The following EDC3 variants were observed in gnomAD, a reference collection of about 807,000 sequenced individuals.
The protein encoded by EDC3 is enhancer of mRNA decapping 3, also known as enhancer of mRNA-decapping protein 3.
In EDC3, 20 loss-of-function variants were observed where a neutral mutation model predicts 41.8. The observed-to-expected ratio is 0.48, with a 90% CI of 0.34 to 0.70. EDC3 has a LOEUF of 0.70. EDC3 is among the 30% of genes least tolerant of loss of function. EDC3 has a pLI of 0.01. For synonymous variants in EDC3, 206 were observed against 243.2 expected, an observed-to-expected ratio of 0.85 and a Z score of 1.42; for missense variants, 444 against 636.8, an observed-to-expected ratio of 0.70 and a Z score of 3.26.
At position 74,655,996 on chromosome 15, in the gene EDC3, T is replaced by G; in HGVS notation, c.557A>C (p.Asn186Thr). 1 of 1,614,004 alleles carries G rather than the reference T, an allele frequency of 6.2e-7. No homozygotes were observed. The highest frequency in any genetic ancestry group is 8.5e-7 in the Non-Finnish European group (1 of 1,180,012). The change falls in exon 4 of 7, where the codon AAT (asparagine) becomes ACT (threonine). Residue 186 changes from asparagine (N) to threonine (T), a missense_variant. Physicochemically the swap from Asn to Thr is moderately conservative, Grantham distance 65 (BLOSUM62 0). This residue lies in a region of EDC3 where 200 missense variants were observed against 244.0 expected (regional missense o/e 0.82). Transcript: ENST00000315127. ...ATCCCCGAAGCACTCGTCATCTTTA[T>G]TCTTCATCTGGCCATTCTTTAAACC... is the stretch of plus-strand genomic sequence containing the variant. ...KSGLKNGQMK[N>T]KDDECFGDDI...
At chr15:74,674,345 G>A (rs72728886) in intron 2 of EDC3, among the ~76,000 whole-genome samples, 7,929 of 152,200 alleles carry the variant, frequency 0.052, 315 homozygotes, top group East Asian at 0.17. Context: ...CTAGCCTCAA[G>A]TGATACTGCT....
intron 4 of EDC3, 125 bp downstream of exon 4, chr15:74,655,608 C>T: frequency 2.1e-6 from 2 of 964,894 alleles, no homozygotes; most frequent in Non-Finnish European, 3.0e-6. Flanking sequence ...AATACCGGGC[C>T]AGCCACCAAG....
At chr15:74,650,702 T>C (rs1040751403) in intron 4 of EDC3, among the ~76,000 whole-genome samples, 2 of 152,190 alleles carry the variant, frequency 1.3e-5, no homozygotes, top group Non-Finnish European at 2.9e-5. Context: ...TCCTTTAGAA[T>C]ACCATGAGTG....
chr15:74,639,096 G>A (rs2062314784), intron 5 of EDC3: 2 of 152,268 alleles, frequency 1.3e-5, no homozygotes, highest in South Asian at 4.2e-4. Context: ...CCACTTTTCT[G>A]ATCCCTGCTT....
intron 3 of EDC3, among the ~76,000 whole-genome samples, chr15:74,665,102 C>A (rs1035701670): frequency 9.9e-5 from 15 of 152,236 alleles, no homozygotes; most frequent in African/African-American, 3.6e-4. Flanking sequence ...CGGCTCACTG[C>A]AGCCTCCACC....
chr15:74,646,008 A>G (rs2062412522), intron 4 of EDC3, among the ~76,000 whole-genome samples: 1 of 152,144 alleles, frequency 6.6e-6, no homozygotes. Flanking sequence ...CAGAGAAAAT[A>G]AAACGAGTAG....
intron 4 of EDC3, chr15:74,643,526 C>G (rs1567157013): frequency 1.3e-5 from 2 of 152,266 alleles, no homozygotes; most frequent in African/African-American, 2.4e-5. Flanking sequence ...CTGCATGAGG[C>G]TGAGGCTGTC....
chr15:74,656,329 T>A (rs973943564), intron 3 of EDC3, among the ~76,000 whole-genome samples: 1 of 151,708 alleles, frequency 6.6e-6, no homozygotes, highest in African/African-American at 2.4e-5. Flanking sequence ...CGCTTGTGCC[T>A]AGGAGTTCAA....
At chr15:74,676,521 CAA>C (rs1363750937) in intron 1 of EDC3, among the ~76,000 whole-genome samples, 1 of 151,884 alleles carries the variant, frequency 6.6e-6, no homozygotes, top group African/African-American at 2.4e-5. Flanking sequence ...CAGAAATGAA[CAA>C]AGAGACATCA....
At chr15:74,635,110 A>C (rs1210636864) in intron 6 of EDC3, 2 of 592,990 alleles carry the variant, frequency 3.4e-6, no homozygotes, top group South Asian at 3.0e-5. Flanking sequence ...TATAAGCTCC[A>C]CAGAAGAATG....
chr15:74,635,729 A>AC, intron 5 of EDC3, 103 bp from the exon 6 acceptor site: 3 of 1,085,112 alleles, frequency 2.8e-6, no homozygotes, highest in Non-Finnish European at 4.0e-6. Flanking sequence ...CAGATCTCTT[A>AC]CCCACTGCTC....
intron 3 of EDC3, among the ~76,000 whole-genome samples, chr15:74,663,015 G>C (rs1252257450): frequency 1.3e-5 from 2 of 152,236 alleles, no homozygotes; most frequent in African/African-American, 4.8e-5. Context: ...GCCTGGCGCA[G>C]TGGCTCAACA....
rs112091416 is a variant in EDC3, at chr15:74,691,136, C to CAA, written c.-19+4742_-19+4743dup. Among the ~76,000 whole-genome samples the CAA allele has an allele frequency of 2.5e-3, 284 of 115,636 alleles. 1 individual carries two copies. Among genetic ancestry groups the CAA allele is most frequent in the African/African-American group, 8.2e-3 (259 of 31,444 alleles). 75.9% of individuals were successfully genotyped at this position (115,636 alleles called of 152,430 possible). Reference sequence around the variant, plus strand: ...TGGGTGGCAGAGCAAGACCCTGTCTCAAAAAAAAAAAAAAAGAAAAAAATG... The same window carrying CAA: ...TGGGTGGCAGAGCAAGACCCTGTCTCAAAAAAAAAAAAAAAAAGAAAAAAATG... On this transcript the variant is annotated intron_variant, in intron 1 of 6. Coordinates refer to ENST00000315127, the MANE Select transcript of EDC3 (RefSeq NM_025083.5).
chr15:74,694,158 C>A (rs967005024), intron 1 of EDC3, among the ~76,000 whole-genome samples: 1 of 152,132 alleles, frequency 6.6e-6, no homozygotes, highest in African/African-American at 2.4e-5. Flanking sequence ...AATGATACAT[C>A]TTCCATTTTG....
intron 4 of EDC3, chr15:74,642,151 A>C (rs1304157407): frequency 2.6e-5 from 4 of 152,214 alleles, no homozygotes; most frequent in Non-Finnish European, 2.9e-5. Context: ...AAACTATAGG[A>C]CCCAGGTCTG....
chr15:74,642,165 CCT>C (rs1434175514), intron 4 of EDC3: 1 of 152,176 alleles, frequency 6.6e-6, no homozygotes, highest in Non-Finnish European at 1.5e-5. Context: ...AGGTCTGTAT[CCT>C]CTCAGGGAAG....
In EDC3 at chr15:74,671,808, A is replaced by G. The variant is rs1567174224; in HGVS notation, c.165-34T>C. ...CACAAAAAAGCCAAGTCTCAAAATT[A>G]TAATAGTGGTAAGAATGATGAAACT... On this transcript the variant is annotated intron_variant, in intron 2 of 6. Transcript: ENST00000315127. This position sits in a 1 kb window ranked among gnomAD's most constrained non-coding sequence, Gnocchi z 4.6. The G allele has an allele frequency of 5.0e-6, 8 of 1,593,410 alleles. No homozygotes were observed. The highest frequency in any genetic ancestry group is 1.7e-4 in the Middle Eastern group (1 of 6,006).
chr15:74,658,018 A>G (rs1222654535), intron 3 of EDC3, among the ~76,000 whole-genome samples: 4 of 152,130 alleles, frequency 2.6e-5, no homozygotes, highest in Admixed American at 2.0e-4. Flanking sequence ...TTATTTGGCT[A>G]CTACACATCA....
intron 3 of EDC3, among the ~76,000 whole-genome samples, chr15:74,662,931 G>A (rs1249067915): frequency 6.6e-6 from 1 of 152,160 alleles, no homozygotes; most frequent in East Asian, 1.9e-4. Flanking sequence ...TACTCTGAAG[G>A]CAGGTCAGAC....
Sources: allele counts gnomAD v4.1 joint callset (sites outside exome capture counted in the v4.1 genomes callset), GRCh38; gene constraint gnomAD v4.1.1; regional missense constraint gnomAD v4.1.1; non-coding constraint Gnocchi (gnomAD v3.1); transcripts MANE v1.5; gene names NCBI Gene and HGNC (gene_info 2026-07-23, HGNC 2026-07-21).